The following SYNDIG1 variants were observed in gnomAD, a reference collection of about 807,000 sequenced individuals.
SYNDIG1 encodes the protein synapse differentiation-inducing gene protein 1.
SYNDIG1 carries 9 observed loss-of-function variants against 19.4 expected under a neutral mutation model. That is an observed-to-expected ratio of 0.46 (90% CI 0.28 to 0.81). The LOEUF (loss-of-function observed/expected upper bound fraction) is 0.81. SYNDIG1 is among the 30% of genes least tolerant of loss of function. The pLI is 0.12. For missense variants in SYNDIG1, 311 were observed against 343.3 expected (o/e 0.91, Z 0.74); for synonymous variants, 141 against 145.9 (o/e 0.97, Z 0.24).
chr20:24,651,570 T>G (rs76506596), intron 3 of SYNDIG1, among the ~76,000 whole-genome samples: 4,600 of 152,322 alleles, frequency 0.03, 119 homozygotes, highest in Non-Finnish European at 0.046. Flanking sequence ...CTGTGCAGAT[T>G]AGAAGTCTAA....
chr20:24,572,793 G>C (rs904754166), intron 2 of SYNDIG1, among the ~76,000 whole-genome samples: 1 of 152,202 alleles, frequency 6.6e-6, no homozygotes, highest in African/African-American at 2.4e-5. Flanking sequence ...TTTTTGAAAA[G>C]ATGAAACTGT....
intron 1 of SYNDIG1, among the ~76,000 whole-genome samples, chr20:24,476,200 C>T (rs2055621229): frequency 6.6e-6 from 1 of 151,632 alleles, no homozygotes. Context: ...TTCTTATATA[C>T]TAAACCCAGA....
chr20:24,560,032 T>G (rs553644304), intron 2 of SYNDIG1, among the ~76,000 whole-genome samples: 33,351 of 129,570 alleles, frequency 0.26, 5,044 homozygotes, highest in East Asian at 0.56. Flanking sequence ...TCTTTGACTT[T>G]TTTTTTTTTT....
intron 3 of SYNDIG1, among the ~76,000 whole-genome samples, chr20:24,610,361 T>G (rs1417738070): frequency 6.6e-6 from 1 of 152,220 alleles, no homozygotes; most frequent in Non-Finnish European, 1.5e-5. Flanking sequence ...GTGGTCATTC[T>G]TCATTCCAGA....
At chr20:24,618,975 G>A (rs566889326) in intron 3 of SYNDIG1, among the ~76,000 whole-genome samples, 9 of 152,086 alleles carry the variant, frequency 5.9e-5, no homozygotes, top group South Asian at 2.1e-4. Flanking sequence ...GAGACAAAAC[G>A]CACCTGTTTT....
chr20:24,628,418 T>C (rs1344400146), intron 3 of SYNDIG1, among the ~76,000 whole-genome samples: 1 of 152,188 alleles, frequency 6.6e-6, no homozygotes, highest in Non-Finnish European at 1.5e-5. Context: ...TATTTATTGG[T>C]GTGTGGACCA....
At chr20:24,638,095 G>A (rs2059334165) in intron 3 of SYNDIG1, among the ~76,000 whole-genome samples, 1 of 152,188 alleles carries the variant, frequency 6.6e-6, no homozygotes, top group African/African-American at 2.4e-5. Flanking sequence ...GGAGGTGAAT[G>A]AGTTGCCCAA....
At chr20:24,648,397 C>T (rs1307144478) in intron 3 of SYNDIG1, among the ~76,000 whole-genome samples, 2 of 152,222 alleles carry the variant, frequency 1.3e-5, no homozygotes. Flanking sequence ...CCCAGTGTGT[C>T]CACTCTGACT....
At chr20:24,599,239 A>C (rs1319593838) in intron 3 of SYNDIG1, among the ~76,000 whole-genome samples, 1 of 152,204 alleles carries the variant, frequency 6.6e-6, no homozygotes, top group African/African-American at 2.4e-5. Context: ...AAAATGCTGA[A>C]CACCACTAAT....
At chr20:24,516,504 G>A (rs1284491464) in intron 1 of SYNDIG1, among the ~76,000 whole-genome samples, 2 of 152,204 alleles carry the variant, frequency 1.3e-5, no homozygotes, top group Non-Finnish European at 2.9e-5. Flanking sequence ...ACAAGTGGGT[G>A]AAGGATATGA....
chr20:24,573,598 C>G (rs935399460), intron 2 of SYNDIG1, among the ~76,000 whole-genome samples: 14 of 152,254 alleles, frequency 9.2e-5, no homozygotes. Flanking sequence ...TCACTTTGAC[C>G]TGAATCACGT....
intron 3 of SYNDIG1, among the ~76,000 whole-genome samples, chr20:24,640,855 C>T (rs976936404): frequency 3.9e-5 from 6 of 152,190 alleles, no homozygotes; most frequent in African/African-American, 7.2e-5. Context: ...CCACCACCCA[C>T]GTGTCAGGGA....
chr20:24,632,706 C>T (rs996644442), intron 3 of SYNDIG1, among the ~76,000 whole-genome samples: 1 of 152,128 alleles, frequency 6.6e-6, no homozygotes, highest in African/African-American at 2.4e-5. Context: ...CTGTCGTGAG[C>T]GGGGAAACAG....
chr20:24,524,584 T>C (rs1380302264), intron 1 of SYNDIG1, among the ~76,000 whole-genome samples: 1 of 151,420 alleles, frequency 6.6e-6, no homozygotes, highest in Non-Finnish European at 1.5e-5. Context: ...AGGCGGAGCT[T>C]ACAGTGAGCT....
chr20:24,520,153 T>C (rs1367303258), intron 1 of SYNDIG1, among the ~76,000 whole-genome samples: 3 of 152,064 alleles, frequency 2.0e-5, no homozygotes, highest in African/African-American at 7.2e-5. Flanking sequence ...TTTATGTATA[T>C]AGGTAAATCT....
At chr20:24,489,079 T>C (rs958160846) in intron 1 of SYNDIG1, among the ~76,000 whole-genome samples, 6 of 152,190 alleles carry the variant, frequency 3.9e-5, no homozygotes, top group African/African-American at 1.4e-4. Flanking sequence ...GAAATGAACA[T>C]CCAGCTTCTT....
intron 1 of SYNDIG1, among the ~76,000 whole-genome samples, chr20:24,520,987 C>T (rs780808339): frequency 3.3e-5 from 5 of 152,190 alleles, no homozygotes; most frequent in Admixed American, 2.0e-4. Flanking sequence ...TCCGTTCCCT[C>T]CCTTCTGCAG....
At chr20:24,538,081 C>A (rs944621866) in intron 1 of SYNDIG1, among the ~76,000 whole-genome samples, 1 of 152,050 alleles carries the variant, frequency 6.6e-6, no homozygotes, top group African/African-American at 2.4e-5. Context: ...TATTTTAGTT[C>A]AGTTTAATTG....
chr20:24,530,541 G>C (rs552211245), intron 1 of SYNDIG1, among the ~76,000 whole-genome samples: 6 of 152,302 alleles, frequency 3.9e-5, no homozygotes, highest in African/African-American at 1.4e-4. Flanking sequence ...TTTGCAAGCA[G>C]CTCTTTTCTC....
Sources: gnomAD v4.1 joint callset for allele counts (sites outside exome capture counted in the v4.1 genomes callset) on GRCh38, gnomAD v4.1.1 for gene constraint, MANE v1.5 for transcripts, NCBI Gene and HGNC (gene_info 2026-07-23, HGNC 2026-07-21) for gene names.